Variants in ZMYND11 observed in about 807,000 individuals in gnomAD.
The protein encoded by ZMYND11 is zinc finger MYND domain-containing protein 11.
Under a neutral mutation model 84.9 loss-of-function variants are expected in ZMYND11, and 9 were observed. The ratio of observed to expected loss-of-function variants is 0.11; its 90% CI spans 0.06 to 0.18. ZMYND11 has a LOEUF of 0.18. ZMYND11 is among the 10% of genes least tolerant of loss of function. ZMYND11 has a pLI of 1.00. For missense variants in ZMYND11, 409 were observed against 761.0 expected (o/e 0.54, Z 5.44); for synonymous variants, 250 against 244.1 (o/e 1.02, Z -0.23).
intron 1 of ZMYND11, among the ~76,000 whole-genome samples, chr10:165,583 A>G (rs1218157354): frequency 2.6e-5 from 4 of 152,122 alleles, no homozygotes; most frequent in Non-Finnish European, 5.9e-5. Flanking sequence ...TCTCCATCCC[A>G]GATTTCTTAT....
At chr10:176,931 G>GT (rs782651213) in intron 1 of ZMYND11, among the ~76,000 whole-genome samples, 8 of 152,156 alleles carry the variant, frequency 5.3e-5, no homozygotes, top group Non-Finnish European at 1.2e-4. Flanking sequence ...AGGATGGACT[G>GT]TAAGATTTGG....
intron 2 of ZMYND11, among the ~76,000 whole-genome samples, chr10:188,008 G>A (rs548150399): frequency 7.2e-5 from 11 of 152,170 alleles, no homozygotes; most frequent in Non-Finnish European, 1.6e-4. Flanking sequence ...AGGGTTATGT[G>A]TGAAGATAAG....
At chr10:197,843 GTTACTT>G in intron 2 of ZMYND11, 1 of 486,434 alleles carries the variant, frequency 2.1e-6, no homozygotes, top group South Asian at 3.3e-5. Flanking sequence ...GTACTCTGCT[GTTACTT>G]TTACTTTTTT....
upstream of ZMYND11, chr10:135,325 C>T (rs1482438364): frequency 6.6e-6 from 1 of 150,904 alleles, no homozygotes; most frequent in Non-Finnish European, 1.5e-5. This position sits in a 1 kb window ranked among gnomAD's most constrained non-coding sequence, Gnocchi z 5.6. Context: ...AAACATGGCG[C>T]CCCTCGAGCC....
intron 4 of ZMYND11, among the ~76,000 whole-genome samples, chr10:225,197 T>G (rs1363064789): frequency 2.0e-5 from 3 of 152,220 alleles, no homozygotes; most frequent in Non-Finnish European, 2.9e-5. Flanking sequence ...ATTTTTAGGT[T>G]TAAAGGATAG....
intron 1 of ZMYND11, among the ~76,000 whole-genome samples, chr10:172,734 C>A (rs1408019626): frequency 6.6e-6 from 1 of 152,068 alleles, no homozygotes; most frequent in South Asian, 2.1e-4. Flanking sequence ...TCATGGATAT[C>A]AACAAACTGA....
chr10:209,598 C>CT (rs1438940765), intron 2 of ZMYND11, among the ~76,000 whole-genome samples: 2 of 152,176 alleles, frequency 1.3e-5, no homozygotes, highest in Non-Finnish European at 2.9e-5. Context: ...ACTACAGTCT[C>CT]TTAAGTGATT....
At chr10:193,853 G>C (rs973480602) in intron 2 of ZMYND11, among the ~76,000 whole-genome samples, 5 of 152,072 alleles carry the variant, frequency 3.3e-5, no homozygotes, top group Non-Finnish European at 5.9e-5. Flanking sequence ...ATCTTTTCTT[G>C]GTTAGCATGT....
Position 236,833 on chromosome 10 carries a change from AAT to A in ZMYND11, c.439-3_439-2del, listed in dbSNP as rs749803014. 3.1e-6 allele frequency: 5 copies of A among 1,606,044 alleles called. No homozygotes were observed. The South Asian group carries it at 5.6e-5, about 18-fold the overall frequency. ...TACCTTTTTTTATTCTTTTTTTTTC[AAT>A]AGAGCATTAAGAAGAAGAATACAAA... On this transcript the variant is annotated splice_polypyrimidine_tract_variant and splice_region_variant and intron_variant, in intron 4 of 14. Coordinates refer to ENST00000381604, the MANE Select transcript of ZMYND11 (RefSeq NM_001370100.5).
At position 169,179 on chromosome 10, in the gene ZMYND11, T is replaced by C. The variant is rs373718927; in HGVS notation, c.-19-10815T>C. Among the ~76,000 whole-genome samples the C allele has an allele frequency of 2.3e-4, 35 of 152,150 alleles. 2 individuals are homozygous for C. Among genetic ancestry groups the C allele is most frequent in the Middle Eastern group, 3.4e-3 (1 of 294 alleles). The stretch of plus-strand genomic sequence containing the variant: ...CTTTCTACATGGGGAAAGGGAAATA[T>C]ACAGCTTCAACCCCCTCCAGTCATC... On this transcript the variant is annotated intron_variant, in intron 1 of 14. Coordinates refer to ENST00000381604, the MANE Select transcript of ZMYND11 (RefSeq NM_001370100.5).
At chr10:243,637 G>A (rs770644410) in intron 10 of ZMYND11, among the ~76,000 whole-genome samples, 22 of 152,130 alleles carry the variant, frequency 1.4e-4, no homozygotes, top group African/African-American at 3.4e-4. Context: ...AGGCCGAGGC[G>A]GCTGGATCAT....
chr10:130,582 T>C (rs868969890), upstream of ZMYND11, among the ~76,000 whole-genome samples: 1 of 152,230 alleles, frequency 6.6e-6, no homozygotes, highest in Non-Finnish European at 1.5e-5. Context: ...TATGAAATCG[T>C]ATATTATTCC....
At chr10:153,199 T>C (rs1840837023) in intron 1 of ZMYND11, among the ~76,000 whole-genome samples, 1 of 152,238 alleles carries the variant, frequency 6.6e-6, no homozygotes, top group Non-Finnish European at 1.5e-5. Flanking sequence ...TGAAGTCTAC[T>C]GTTATACAAC....
At chr10:144,640 CTTTTTTTTT>C (rs11348115) in intron 1 of ZMYND11, among the ~76,000 whole-genome samples, 190 of 110,036 alleles carry the variant, frequency 1.7e-3, no homozygotes, top group African/African-American at 6.2e-3. Flanking sequence ...GTCTGAATTC[CTTTTTTTTT>C]TTTTTTTTTT....
intron 1 of ZMYND11, among the ~76,000 whole-genome samples, chr10:179,604 T>C (rs1250486924): frequency 2.6e-5 from 4 of 152,242 alleles, no homozygotes; most frequent in Non-Finnish European, 5.9e-5. Context: ...AAGTGCCAAT[T>C]AGAATATTTA....
At chr10:227,966 A>G (rs1564417828) in intron 4 of ZMYND11, among the ~76,000 whole-genome samples, 1 of 152,196 alleles carries the variant, frequency 6.6e-6, no homozygotes, top group Admixed American at 6.5e-5. Flanking sequence ...TTAATCAAAT[A>G]TTTTTACAAT....
chr10:254,340 G>T lies in ZMYND11; in HGVS notation c.*1870G>T, dbSNP rs1050563866. On this transcript the variant is annotated 3_prime_UTR_variant, in exon 15 of 15. Transcript: ENST00000381604. ...GGTTGCACATTTCCAAGTTACTACA[G>T]CGTGAAAACTGTGTGTTTAAAAAAA... is the stretch of plus-strand genomic sequence containing the variant. The T allele has an allele frequency of 3.3e-5, 5 of 152,468 alleles. No homozygotes were observed. Among genetic ancestry groups the T allele is most frequent in the African/African-American group, 1.2e-4 (5 of 41,378 alleles). 9.4% of individuals were successfully genotyped at this position (152,468 alleles called of 1,614,324 possible).
chr10:186,642 C>CAAAAAAAAAAAAAA (rs56345833), intron 2 of ZMYND11, among the ~76,000 whole-genome samples: 4 of 95,156 alleles, frequency 4.2e-5, no homozygotes, highest in East Asian at 2.9e-4. Flanking sequence ...AGGACTCTCT[C>CAAAAAAAAAAAAAA]AAAAAAAAAA....
intron 1 of ZMYND11, among the ~76,000 whole-genome samples, chr10:136,731 G>A (rs1354108514): frequency 6.6e-6 from 1 of 152,032 alleles, no homozygotes; most frequent in Non-Finnish European, 1.5e-5. Flanking sequence ...GGTGTGTATA[G>A]TACCAGGTGT....
Sources: gnomAD v4.1 joint callset for allele counts (sites outside exome capture counted in the v4.1 genomes callset) on GRCh38, gnomAD v4.1.1 for gene constraint, Gnocchi (gnomAD v3.1) non-coding constraint, MANE v1.5 for transcripts, NCBI Gene and HGNC (gene_info 2026-07-23, HGNC 2026-07-21) for gene names.